NFATC2: variants seen among roughly 807,000 people sequenced by gnomAD.
NFATC2 encodes the protein nuclear factor of activated T cells 2.
Under a neutral mutation model 87.3 loss-of-function variants are expected in NFATC2, and 22 were observed. The ratio of observed to expected loss-of-function variants is 0.25; its 90% CI spans 0.18 to 0.36. The LOEUF (loss-of-function observed/expected upper bound fraction) is 0.36, where lower values mean the gene tolerates loss of function less well. NFATC2 is among the 10% of genes least tolerant of loss of function. NFATC2 has a pLI of 1.00. For missense variants in NFATC2, 1,149 were observed against 1,259.1 expected, an observed-to-expected ratio of 0.91 and a Z score of 1.32; for synonymous variants, 565 against 542.2, an observed-to-expected ratio of 1.04 and a Z score of -0.58.
chr20:51,521,927 A>T (rs537160940), intron 2 of NFATC2, among the ~76,000 whole-genome samples: 3 of 152,320 alleles, frequency 2.0e-5, no homozygotes, highest in African/African-American at 7.2e-5. Flanking sequence ...TCAGAAAAAA[A>T]ATTCCATAAA....
At chr20:51,442,901 A>G (rs1457077758) in intron 6 of NFATC2, among the ~76,000 whole-genome samples, 4 of 152,046 alleles carry the variant, frequency 2.6e-5, no homozygotes, top group Non-Finnish European at 5.9e-5. Context: ...GGGGCCCCCA[A>G]ACAGGGAGGC....
chr20:51,416,055 A>T (rs1430412723), intron 9 of NFATC2, among the ~76,000 whole-genome samples: 1 of 152,104 alleles, frequency 6.6e-6, no homozygotes, highest in African/African-American at 2.4e-5. Flanking sequence ...TGATGTCAGG[A>T]GTTCAAGACC....
chr20:51,559,337 C>T (rs1421004239), intron 1 of NFATC2, among the ~76,000 whole-genome samples: 1 of 152,240 alleles, frequency 6.6e-6, no homozygotes, highest in Non-Finnish European at 1.5e-5. Context: ...CACATCCTCC[C>T]ATATGTCTCT....
At chr20:51,540,486 TCA>T (rs2076789210) in intron 1 of NFATC2, among the ~76,000 whole-genome samples, 1 of 152,072 alleles carries the variant, frequency 6.6e-6, no homozygotes, top group East Asian at 1.9e-4. Context: ...GGCATAAACC[TCA>T]GTTAATAATG....
chr20:51,439,363 C>T (rs1183698923), intron 6 of NFATC2, among the ~76,000 whole-genome samples: 1 of 152,222 alleles, frequency 6.6e-6, no homozygotes, highest in Non-Finnish European at 1.5e-5. Context: ...AGGCCAAGGT[C>T]ACACAGCCAG....
chr20:51,521,492 T>C (rs1004191321), intron 2 of NFATC2, among the ~76,000 whole-genome samples: 11 of 152,326 alleles, frequency 7.2e-5, no homozygotes, highest in Admixed American at 5.9e-4. Context: ...AGCTATTTTT[T>C]GTATTTTTAA....
intron 3 of NFATC2, among the ~76,000 whole-genome samples, chr20:51,513,769 A>G (rs1341640060): frequency 6.6e-6 from 1 of 152,262 alleles, no homozygotes; most frequent in African/African-American, 2.4e-5. Context: ...CCTGAGAATC[A>G]GGATTTAGCT....
chr20:51,477,390 GAGA>G (rs1042194062), intron 3 of NFATC2, among the ~76,000 whole-genome samples: 7 of 151,784 alleles, frequency 4.6e-5, no homozygotes, highest in African/African-American at 1.2e-4. Flanking sequence ...TCTGTGAATG[GAGA>G]AGAAGCTCAA....
At chr20:51,511,787 A>G (rs889257696) in intron 3 of NFATC2, among the ~76,000 whole-genome samples, 1 of 152,248 alleles carries the variant, frequency 6.6e-6, no homozygotes, top group African/African-American at 2.4e-5. Context: ...AACTTCTTCT[A>G]ATCTAGTCCC....
In NFATC2 at chr20:51,419,532, T is replaced by C. The variant is rs533662739; in HGVS notation, c.2722+12535A>G. 3.3e-5 allele frequency among the ~76,000 whole-genome samples: 5 copies of C among 152,264 alleles called. No individual in the cohort carries two copies. In the East Asian group the frequency reaches 7.7e-4, roughly 24 times the overall value. ...GAAAAAGCCTGGGTTCCTGGTATGA[T>C]GGGGCCAGCATACCAGCCATGGACT... On this transcript the variant is annotated intron_variant, in intron 9 of 10. Coordinates refer to ENST00000371564, the MANE Select transcript of NFATC2 (RefSeq NM_012340.5).
intron 10 of NFATC2, among the ~76,000 whole-genome samples, chr20:51,395,524 G>T (rs1287543331): frequency 6.6e-6 from 1 of 152,116 alleles, no homozygotes; most frequent in Non-Finnish European, 1.5e-5. Context: ...GCCAGCAGTT[G>T]TGAGTCTGCC....
chr20:51,421,460 A>G (rs1980902603), intron 9 of NFATC2, among the ~76,000 whole-genome samples: 1 of 152,226 alleles, frequency 6.6e-6, no homozygotes, highest in East Asian at 1.9e-4. Context: ...GGAACCCTGA[A>G]TGAGTGAAAT....
intron 6 of NFATC2, chr20:51,452,847 T>C (rs950653945): frequency 6.5e-6 from 1 of 154,610 alleles, no homozygotes; most frequent in African/African-American, 2.4e-5. Context: ...CTTACCTTTG[T>C]GGGTAGGCAC....
intron 1 of NFATC2, among the ~76,000 whole-genome samples, chr20:51,560,810 C>T (rs944360912): frequency 5.3e-5 from 8 of 152,182 alleles, no homozygotes; most frequent in Non-Finnish European, 1.0e-4. Context: ...ATTGAACACG[C>T]GCACACAAAA....
At chr20:51,554,165 G>A (rs1017157573) in intron 1 of NFATC2, among the ~76,000 whole-genome samples, 1 of 152,204 alleles carries the variant, frequency 6.6e-6, no homozygotes, top group Non-Finnish European at 1.5e-5. Flanking sequence ...ACAAGACATC[G>A]GCTGTTCTCT....
chr20:51,401,802 G>C (rs1256061428), intron 9 of NFATC2, among the ~76,000 whole-genome samples: 2 of 152,116 alleles, frequency 1.3e-5, no homozygotes, highest in African/African-American at 4.8e-5. Flanking sequence ...AATTAGAAGT[G>C]GTTCACTGAT....
chr20:51,448,820 G>C (rs1985418292), intron 6 of NFATC2, among the ~76,000 whole-genome samples: 1 of 152,184 alleles, frequency 6.6e-6, no homozygotes, highest in African/African-American at 2.4e-5. Flanking sequence ...GTCAGAGCCA[G>C]ATCACACAGG....
At chr20:51,537,775 C>T (rs1047933440) in intron 1 of NFATC2, among the ~76,000 whole-genome samples, 8 of 152,222 alleles carry the variant, frequency 5.3e-5, no homozygotes, top group Admixed American at 2.0e-4. Context: ...CCCATCAGGA[C>T]TCCCACATCC....
chr20:51,559,973 CCTAT>C (rs2077008211), intron 1 of NFATC2, among the ~76,000 whole-genome samples: 1 of 152,152 alleles, frequency 6.6e-6, no homozygotes, highest in Non-Finnish European at 1.5e-5. Flanking sequence ...AGATCTTAAC[CCTAT>C]CTGTGTCATT....
Sources: allele counts gnomAD v4.1 joint callset (sites outside exome capture counted in the v4.1 genomes callset), GRCh38; gene constraint gnomAD v4.1.1; transcripts MANE v1.5; gene names NCBI Gene and HGNC (gene_info 2026-07-23, HGNC 2026-07-21).